Variants in CYFIP2 observed in about 807,000 individuals in gnomAD.
The protein encoded by CYFIP2 is cytoplasmic FMR1 interacting protein 2.
A neutral mutation model predicts 158.7 loss-of-function variants in CYFIP2; 29 were observed. That is an observed-to-expected ratio of 0.18 (90% CI 0.14 to 0.25). CYFIP2 has a LOEUF of 0.25. CYFIP2 is among the 10% of genes least tolerant of loss of function. The probability of loss-of-function intolerance (pLI) is 1.00; values close to 1 mark genes in which losing one functional copy is unlikely to be tolerated. For synonymous variants in CYFIP2, 585 were observed against 617.6 expected, an observed-to-expected ratio of 0.95 and a Z score of 0.78; for missense variants, 852 against 1,639.5, an observed-to-expected ratio of 0.52 and a Z score of 8.29.
chr5:157,393,840 G>A lies in CYFIP2; in HGVS notation c.*840G>A, dbSNP rs1449832122. The A allele has an allele frequency of 1.3e-5, 2 of 152,182 alleles. No homozygotes were observed. The highest frequency in any genetic ancestry group is 2.9e-5 in the Non-Finnish European group (2 of 68,044). The allele number at this position is 152,182 out of a possible 1,614,324, so 9.4% of individuals were successfully genotyped here. A position where few individuals can be genotyped will look rare whatever the true frequency, so the allele number is the denominator to read the frequency against. ...CTTTGAACAAATCAGTCATAGCACTGCCTATAGCATTAGCCAGTGACCAAA... is the reference window on the plus strand; with the variant it reads ...CTTTGAACAAATCAGTCATAGCACTACCTATAGCATTAGCCAGTGACCAAA... On this transcript the variant is annotated 3_prime_UTR_variant, in exon 31 of 31. Transcript: ENST00000620254.
At position 157,393,161 on chromosome 5, in the gene CYFIP2, A is replaced by ATGCTC; in HGVS notation, c.*163_*167dup. On this transcript the variant is annotated 3_prime_UTR_variant, in exon 31 of 31. Transcript: ENST00000620254. ...CCACTCCCTAGGGCGGGGCCTGTGC[A>ATGCTC]TGCTCTCCCATGACATCTCCATGCT... 1 of 625,876 alleles carries ATGCTC rather than the reference A, an allele frequency of 1.6e-6. No individual in the cohort carries two copies. The highest frequency in any genetic ancestry group is 2.6e-6 in the Non-Finnish European group (1 of 382,320). The allele number at this position is 625,876 out of a possible 1,614,324, so 38.8% of individuals were successfully genotyped here.
chr5:157,302,354 T>C (rs1291811124), intron 6 of CYFIP2, among the ~76,000 whole-genome samples: 1 of 152,222 alleles, frequency 6.6e-6, no homozygotes, highest in Non-Finnish European at 1.5e-5. Flanking sequence ...TTTGGAAACG[T>C]TGAAGTTTTC....
intron 30 of CYFIP2, among the ~76,000 whole-genome samples, chr5:157,391,319 C>A (rs534077209): frequency 1.3e-5 from 2 of 152,258 alleles, no homozygotes; most frequent in East Asian, 1.9e-4. Context: ...AAAATAGTTT[C>A]AATGGTAATT....
intron 26 of CYFIP2, among the ~76,000 whole-genome samples, chr5:157,368,318 C>A (rs1457463356): frequency 6.6e-6 from 1 of 152,140 alleles, no homozygotes; most frequent in East Asian, 1.9e-4. Flanking sequence ...CAAATGTACA[C>A]AATTCAAATG....
Position 157,319,875 on chromosome 5 carries a change from G to T in CYFIP2, c.1470G>T (p.Thr490=), listed in dbSNP as rs746241228. Residue 490 remains threonine, a synonymous_variant, in exon 14 of 31, where the codon ACG becomes ACT. Transcript: ENST00000620254. ...YAALQDFAQV[T]LREPLRQAVR... is the part of the protein sequence containing the mutation. ...CATTGCAGGACTTCGCCCAGGTGACGCTGCGTGAGCCCCTGCGGCAGGCGG... is the reference window on the plus strand; with the variant it reads ...CATTGCAGGACTTCGCCCAGGTGACTCTGCGTGAGCCCCTGCGGCAGGCGG... 1 of 1,614,054 alleles carries T rather than the reference G, an allele frequency of 6.2e-7. No individual in the cohort carries two copies. The highest frequency in any genetic ancestry group is 1.1e-5 in the South Asian group (1 of 91,090).
chr5:157,344,316 A>G (rs921243393), intron 23 of CYFIP2, among the ~76,000 whole-genome samples: 2 of 152,220 alleles, frequency 1.3e-5, no homozygotes, highest in African/African-American at 4.8e-5. Flanking sequence ...TAGATGATTC[A>G]CAGGCAGTAA....
rs201882855 is a variant in CYFIP2, at chr5:157,392,954, G to T, written c.3716G>T (p.Arg1239Leu). Reference protein sequence around the residue: ...ETDSSTVEHVRCFQPPIHQSL... With the variant: ...ETDSSTVEHVLCFQPPIHQSL... ...GACAGTTCCACTGTGGAGCATGTGC[G>T]CTGCTTCCAGCCACCCATCCACCAG... Residue 1239 changes from arginine to leucine, a missense_variant, in exon 31 of 31, where the codon CGC becomes CTC. Arg to Leu is a moderately radical substitution (Grantham distance 102). Coordinates refer to ENST00000620254, the MANE Select transcript of CYFIP2 (RefSeq NM_001037333.3). 1 of 1,613,758 alleles carries T rather than the reference G, an allele frequency of 6.2e-7. No individual in the cohort carries two copies. The highest frequency in any genetic ancestry group is 1.7e-5 in the Admixed American group (1 of 59,984).
In CYFIP2 at chr5:157,266,725, C is replaced by T. The variant is rs923155980; in HGVS notation, c.-24+530C>T. ...ATGGGTGGGGCGAGGGGCGCAGCGT[C>T]GATGTTTGGGGGCGGAGGGCTTTGA... On this transcript the variant is annotated intron_variant, in intron 1 of 30. Transcript: ENST00000620254. The surrounding 1 kb of genome is among the most constrained non-coding windows in gnomAD (Gnocchi z 4.2). 6.6e-6 allele frequency: 1 copy of T among 152,412 alleles called. No homozygotes were observed. The highest frequency in any genetic ancestry group is 2.1e-4 in the South Asian group (1 of 4,826). 9.4% of individuals were successfully genotyped at this position (152,412 alleles called of 1,614,324 possible).
chr5:157,377,426 C>A (rs573393116), intron 26 of CYFIP2, among the ~76,000 whole-genome samples: 1 of 152,112 alleles, frequency 6.6e-6, no homozygotes, highest in Non-Finnish European at 1.5e-5. Flanking sequence ...TTCAACTTAG[C>A]GTCCTTCTTC....
At position 157,394,492 on chromosome 5, in the gene CYFIP2, G is replaced by A. The variant is rs2113579278; in HGVS notation, c.*1492G>A. The A allele has an allele frequency of 6.6e-6, 1 of 152,340 alleles. No homozygotes were observed. The highest frequency in any genetic ancestry group is 6.5e-5 in the Admixed American group (1 of 15,298). 9.4% of individuals were successfully genotyped at this position (152,340 alleles called of 1,614,324 possible). On this transcript the variant is annotated 3_prime_UTR_variant, in exon 31 of 31. Transcript: ENST00000620254. ...GCACTTATGTCCTCCGGTGAGGAAA[G>A]GGGGCCACATATGAAAGGCCCCTTA...
chr5:157,337,731 G>T (rs1398724372), intron 21 of CYFIP2, among the ~76,000 whole-genome samples: 1 of 152,200 alleles, frequency 6.6e-6, no homozygotes, highest in South Asian at 2.1e-4. Flanking sequence ...CATTACAGCC[G>T]ACCCTATGGT....
At chr5:157,274,695 G>A (rs149473609) in intron 1 of CYFIP2, among the ~76,000 whole-genome samples, 9 of 152,194 alleles carry the variant, frequency 5.9e-5, no homozygotes, top group Middle Eastern at 3.4e-3. Flanking sequence ...CATTAGCAAC[G>A]GTATTCTCAG....
At chr5:157,288,782 C>T (rs1007770562) in intron 3 of CYFIP2, 2 of 359,328 alleles carry the variant, frequency 5.6e-6, no homozygotes, top group South Asian at 2.1e-5. Context: ...TGCCTGACTA[C>T]AAAACCTTTG....
intron 26 of CYFIP2, chr5:157,363,794 A>G (rs1044637008): frequency 1.3e-5 from 2 of 152,370 alleles, no homozygotes; most frequent in Admixed American, 6.5e-5. Flanking sequence ...CTTGGAGAAT[A>G]GACGGGAGGG....
chr5:157,357,725 G>A (rs1430497292), intron 23 of CYFIP2, among the ~76,000 whole-genome samples: 1 of 152,008 alleles, frequency 6.6e-6, no homozygotes, highest in Non-Finnish European at 1.5e-5. Context: ...CAACTACTTG[G>A]GAGGCTGAAG....
intron 9 of CYFIP2, 143 bp from the exon 10 acceptor site, chr5:157,309,600 C>A: frequency 1.4e-6 from 1 of 697,236 alleles, no homozygotes; most frequent in Non-Finnish European, 2.4e-6. Flanking sequence ...TTCAGAGTCA[C>A]ATGGTAGCGT....
intron 27 of CYFIP2, 36 bp downstream of exon 27, chr5:157,382,698 G>A (rs748231272): frequency 1.3e-5 from 21 of 1,600,280 alleles, no homozygotes; most frequent in Non-Finnish European, 1.7e-5. Flanking sequence ...TAGCCAACTG[G>A]CGTTTGAACC....
intron 3 of CYFIP2, among the ~76,000 whole-genome samples, chr5:157,290,726 T>G (rs1421010447): frequency 6.6e-6 from 1 of 152,230 alleles, no homozygotes; most frequent in African/African-American, 2.4e-5. Flanking sequence ...AAAATCTCCC[T>G]TCAGTCAACA....
At chr5:157,320,193 T>G (rs763618133) in intron 14 of CYFIP2, among the ~76,000 whole-genome samples, 4 of 152,240 alleles carry the variant, frequency 2.6e-5, no homozygotes, top group Non-Finnish European at 5.9e-5. Flanking sequence ...GGGATTATAA[T>G]GCTACCTGCT....
Sources: allele counts gnomAD v4.1 joint callset (sites outside exome capture counted in the v4.1 genomes callset), GRCh38; gene constraint gnomAD v4.1.1; non-coding constraint Gnocchi (gnomAD v3.1); transcripts MANE v1.5; gene names NCBI Gene and HGNC (gene_info 2026-07-23, HGNC 2026-07-21).